The following NPSR1 variants were observed in gnomAD, a reference collection of about 807,000 sequenced individuals.
NPSR1 encodes neuropeptide S receptor.
Under a neutral mutation model 46.9 loss-of-function variants are expected in NPSR1, and 48 were observed. That is an observed-to-expected ratio of 1.02 (90% CI 0.81 to 1.30). The LOEUF (loss-of-function observed/expected upper bound fraction) is 1.30, where lower values mean the gene tolerates loss of function less well. Ranked by LOEUF, NPSR1 falls within the 50% of genes most tolerant of loss-of-function variation. The pLI is 0.00. For synonymous variants in NPSR1, 176 were observed against 168.1 expected (o/e 1.05, Z -0.36); for missense variants, 450 against 449.5 (o/e 1.00, Z -0.01).
At chr7:34,818,274 A>G (rs796153765) in intron 4 of NPSR1, among the ~76,000 whole-genome samples, 1 of 152,236 alleles carries the variant, frequency 6.6e-6, no homozygotes, top group Non-Finnish European at 1.5e-5. Flanking sequence ...TACATGAATA[A>G]GAGACAAACA....
intron 5 of NPSR1, among the ~76,000 whole-genome samples, chr7:34,832,177 T>G (rs150791486): frequency 4.7e-4 from 71 of 152,252 alleles, no homozygotes; most frequent in African/African-American, 1.7e-3. Context: ...GATTATGGAG[T>G]CATTTTGCAG....
At chr7:34,684,218 A>G (rs1288619048) in intron 1 of NPSR1, among the ~76,000 whole-genome samples, 2 of 152,116 alleles carry the variant, frequency 1.3e-5, no homozygotes, top group African/African-American at 4.8e-5. Context: ...AACAATTTCT[A>G]ATTTCTTTTT....
chr7:34,774,769 C>T (rs1202614247), intron 2 of NPSR1, among the ~76,000 whole-genome samples: 4 of 152,148 alleles, frequency 2.6e-5, no homozygotes, highest in African/African-American at 4.8e-5. Context: ...GCAGCCCATA[C>T]ATGCTGCAGA....
At chr7:34,667,194 C>T (rs967607608) in intron 1 of NPSR1, among the ~76,000 whole-genome samples, 2 of 152,208 alleles carry the variant, frequency 1.3e-5, no homozygotes, top group African/African-American at 4.8e-5. Flanking sequence ...CTGGACCTGG[C>T]AGGCAGGTGT....
At chr7:34,796,515 A>G (rs556549215) in intron 3 of NPSR1, among the ~76,000 whole-genome samples, 7 of 152,326 alleles carry the variant, frequency 4.6e-5, no homozygotes, top group Admixed American at 3.9e-4. Context: ...AAAATGGTCA[A>G]AAAAACAGAC....
downstream of NPSR1, among the ~76,000 whole-genome samples, chr7:34,853,493 C>T (rs1345449437): frequency 2.0e-5 from 3 of 152,186 alleles, no homozygotes; most frequent in Non-Finnish European, 2.9e-5. Context: ...CATTTCTCTG[C>T]AATTGCATTT....
chr7:34,686,682 C>T (rs575004345), intron 2 of NPSR1, among the ~76,000 whole-genome samples: 1 of 152,164 alleles, frequency 6.6e-6, no homozygotes, highest in African/African-American at 2.4e-5. Context: ...TTTCTGAGCT[C>T]CTCTTTTTTT....
intron 2 of NPSR1, among the ~76,000 whole-genome samples, chr7:34,707,359 G>C (rs1016794095): frequency 2.6e-5 from 4 of 152,144 alleles, no homozygotes; most frequent in Admixed American, 6.5e-5. Context: ...TCACCTTTAT[G>C]AATCAGCTTG....
chr7:34,820,385 T>C (rs1349657813), intron 4 of NPSR1, among the ~76,000 whole-genome samples: 3 of 152,150 alleles, frequency 2.0e-5, no homozygotes, highest in Non-Finnish European at 4.4e-5. Context: ...TTGTGAAGGG[T>C]TGAGACCTGT....
intron 2 of NPSR1, among the ~76,000 whole-genome samples, chr7:34,686,683 C>T (rs1792944022): frequency 6.6e-6 from 1 of 152,044 alleles, no homozygotes; most frequent in Non-Finnish European, 1.5e-5. Context: ...TTCTGAGCTC[C>T]TCTTTTTTTG....
chr7:34,831,054 G>T (rs1441099468), intron 5 of NPSR1, among the ~76,000 whole-genome samples: 1 of 152,084 alleles, frequency 6.6e-6, no homozygotes, highest in Non-Finnish European at 1.5e-5. Context: ...AGGCACCTCA[G>T]GTCCTCACTC....
intron 8 of NPSR1, among the ~76,000 whole-genome samples, chr7:34,862,776 C>A (rs1791219655): frequency 6.6e-6 from 1 of 151,738 alleles, no homozygotes; most frequent in South Asian, 2.1e-4. Flanking sequence ...CCATACACAC[C>A]AATGCACCCA....
chr7:34,716,425 G>A (rs1330665695), intron 2 of NPSR1, among the ~76,000 whole-genome samples: 1 of 152,198 alleles, frequency 6.6e-6, no homozygotes, highest in Non-Finnish European at 1.5e-5. Context: ...CATATTGGGA[G>A]CAGGATGAAG....
intron 1 of NPSR1, among the ~76,000 whole-genome samples, chr7:34,662,875 C>G (rs1791525409): frequency 6.6e-6 from 1 of 152,108 alleles, no homozygotes; most frequent in African/African-American, 2.4e-5. Flanking sequence ...TCTTCCTCAG[C>G]TAAATTTCTC....
At position 34,706,636 on chromosome 7, in the gene NPSR1, T is replaced by C. The variant is rs974524922; in HGVS notation, c.280+21952T>C. Reference sequence around the variant, plus strand: ...TTGGTGTTTCCCTTCTCACAACCTATCTAATGTCTTATTATCTCGTCTTTC... The same window carrying C: ...TTGGTGTTTCCCTTCTCACAACCTACCTAATGTCTTATTATCTCGTCTTTC... On this transcript the variant is annotated intron_variant, in intron 2 of 8. Coordinates refer to ENST00000360581, the MANE Select transcript of NPSR1 (RefSeq NM_207172.2). 3.3e-5 allele frequency among the ~76,000 whole-genome samples: 5 copies of C among 152,198 alleles called. No homozygotes were observed. In the South Asian group the frequency reaches 8.3e-4, roughly 25 times the overall value.
At chr7:34,659,324 G>C (rs1314892002) in intron 1 of NPSR1, among the ~76,000 whole-genome samples, 1 of 152,194 alleles carries the variant, frequency 6.6e-6, no homozygotes, top group South Asian at 2.1e-4. Flanking sequence ...TTTCACACCT[G>C]TCTAACGATA....
chr7:34,750,060 A>G (rs1299421367), intron 2 of NPSR1, among the ~76,000 whole-genome samples: 1 of 152,154 alleles, frequency 6.6e-6, no homozygotes, highest in African/African-American at 2.4e-5. Context: ...CCAAAGTGAA[A>G]GCAGCTCAAT....
chr7:34,717,427 G>A (rs548937950), intron 2 of NPSR1, among the ~76,000 whole-genome samples: 7 of 152,238 alleles, frequency 4.6e-5, no homozygotes, highest in East Asian at 1.9e-4. Flanking sequence ...CACTGCGCCC[G>A]GCCACATAAC....
intron 5 of NPSR1, 102 bp from the exon 6 acceptor site, chr7:34,834,282 C>A: frequency 2.4e-6 from 2 of 827,598 alleles, no homozygotes; most frequent in Non-Finnish European, 4.2e-6. Flanking sequence ...AAAGATCTGT[C>A]CCTTCACACC....
Sources: gnomAD v4.1 joint callset for allele counts (sites outside exome capture counted in the v4.1 genomes callset) on GRCh38, gnomAD v4.1.1 for gene constraint, MANE v1.5 for transcripts, NCBI Gene and HGNC (gene_info 2026-07-23, HGNC 2026-07-21) for gene names.